The following GALNT9 variants were observed in gnomAD, a reference collection of about 807,000 sequenced individuals.
GALNT9 encodes GalNAc transferase 9.
In GALNT9, 47 loss-of-function variants were observed where a neutral mutation model predicts 63.1. The ratio of observed to expected loss-of-function variants is 0.75; its 90% CI spans 0.59 to 0.95. The LOEUF (loss-of-function observed/expected upper bound fraction) is 0.95, where lower values mean the gene tolerates loss of function less well. Among genes scored for constraint, GALNT9 ranks in the 40% least tolerant of loss-of-function variants. The pLI is 0.00. For missense variants in GALNT9, 829 were observed against 874.8 expected, an observed-to-expected ratio of 0.95 and a Z score of 0.66; for synonymous variants, 396 against 365.7, an observed-to-expected ratio of 1.08 and a Z score of -0.94.
intron 6 of GALNT9, among the ~76,000 whole-genome samples, chr12:132,212,072 A>G (rs1876976828): frequency 1.3e-5 from 2 of 152,232 alleles, no homozygotes; most frequent in South Asian, 4.1e-4. Flanking sequence ...CATTGAGAGA[A>G]AAGACGGGTG....
At chr12:132,306,267 C>T (rs182146900) in intron 1 of GALNT9, among the ~76,000 whole-genome samples, 220 of 152,366 alleles carry the variant, frequency 1.4e-3, no homozygotes, top group African/African-American at 5.1e-3. Context: ...ACATAACTGC[C>T]GGGGCGTGGC....
intron 6 of GALNT9, among the ~76,000 whole-genome samples, chr12:132,240,247 T>G (rs1555236777): frequency 6.6e-6 from 1 of 152,102 alleles, no homozygotes; most frequent in Non-Finnish European, 1.5e-5. Context: ...GGATCTGGAA[T>G]ATGACCAAGT....
chr12:132,294,775 C>T (rs782647393), intron 1 of GALNT9, among the ~76,000 whole-genome samples: 8 of 120,986 alleles, frequency 6.6e-5, no homozygotes, highest in African/African-American at 2.9e-4. Context: ...TTCCCTGGAG[C>T]GGGAGGGATC....
In GALNT9 at chr12:132,327,773, A is replaced by C. The variant is rs1422464690; in HGVS notation, c.238+1193T>G. Among the ~76,000 whole-genome samples, 1 of 152,096 alleles carries C rather than the reference A, an allele frequency of 6.6e-6. No individual in the cohort carries two copies. The highest frequency in any genetic ancestry group is 1.9e-4 in the East Asian group (1 of 5,174). On this transcript the variant is annotated intron_variant, in intron 1 of 10. Transcript: ENST00000328957. This position sits in a 1 kb window ranked among gnomAD's most constrained non-coding sequence, Gnocchi z 4.3. ...GAAGTCAGGGTGCTCTGAGTCAGACAAAGCTGGGACAACCCCTCCTCATGG... is the reference window on the plus strand; with the variant it reads ...GAAGTCAGGGTGCTCTGAGTCAGACCAAGCTGGGACAACCCCTCCTCATGG...
intron 6 of GALNT9, among the ~76,000 whole-genome samples, chr12:132,224,968 CCA>C (rs1310383077): frequency 2.0e-5 from 3 of 149,686 alleles, no homozygotes; most frequent in South Asian, 4.3e-4. Context: ...CATACACACC[CCA>C]CACACATACA....
At chr12:132,197,456 G>T (rs1875597580) in intron 10 of GALNT9, among the ~76,000 whole-genome samples, 1 of 148,834 alleles carries the variant, frequency 6.7e-6, no homozygotes, top group Non-Finnish European at 1.5e-5. Flanking sequence ...CATCTTTCCT[G>T]CAGGGCTAGC....
At chr12:132,253,954 A>C (rs1441003204) in intron 5 of GALNT9, among the ~76,000 whole-genome samples, 5 of 152,172 alleles carry the variant, frequency 3.3e-5, no homozygotes, top group African/African-American at 9.7e-5. Context: ...TTTATTTACA[A>C]ATACAGGACT....
At chr12:132,287,847 G>T (rs1025531045) in intron 1 of GALNT9, among the ~76,000 whole-genome samples, 1 of 152,060 alleles carries the variant, frequency 6.6e-6, no homozygotes, top group African/African-American at 2.4e-5. Context: ...GAGTGAGAGG[G>T]GTGTCTCCCC....
intron 1 of GALNT9, among the ~76,000 whole-genome samples, chr12:132,303,018 T>C (rs1284569520): frequency 6.6e-6 from 1 of 151,990 alleles, no homozygotes; most frequent in Non-Finnish European, 1.5e-5. Flanking sequence ...GATGCTCCGA[T>C]CAGCCCTGGG....
intron 1 of GALNT9, among the ~76,000 whole-genome samples, chr12:132,306,610 G>A (rs558383370): frequency 5.9e-5 from 9 of 152,304 alleles, no homozygotes; most frequent in South Asian, 2.1e-4. Flanking sequence ...CATTGCTGAC[G>A]GAGTGCCATG....
In GALNT9 at chr12:132,271,656, T is replaced by C. The variant is rs1343177474; in HGVS notation, c.420-9031A>G. Among the ~76,000 whole-genome samples the C allele has an allele frequency of 3.9e-5, 6 of 152,176 alleles. No individual in the cohort carries two copies. The South Asian group carries it at 1.2e-3, about 32-fold the overall frequency. On this transcript the variant is annotated intron_variant, in intron 2 of 10. Transcript: ENST00000328957. Reference sequence around the variant, plus strand: ...AAACGGCGTTGGGGCAGCTGTGGCCTCGTGCCTTGCCGTGATGCTCCGGCA... The same window carrying C: ...AAACGGCGTTGGGGCAGCTGTGGCCCCGTGCCTTGCCGTGATGCTCCGGCA...
Position 132,247,899 on chromosome 12 carries a change from G to A in GALNT9, c.1077+11C>T, listed in dbSNP as rs1283008965. 1 of 1,551,074 alleles carries A rather than the reference G, an allele frequency of 6.4e-7. No individual in the cohort carries two copies. Among genetic ancestry groups the A allele is most frequent in the African/African-American group, 1.4e-5 (1 of 73,078 alleles). On this transcript the variant is annotated intron_variant, in intron 6 of 10. Transcript: ENST00000328957. ...CCTCACCCTGTCCCTGGACACCGGG[G>A]CCGCACTCACCCTCATGCCCAGTTC...
intron 6 of GALNT9, among the ~76,000 whole-genome samples, chr12:132,243,237 A>G (rs1418900898): frequency 5.2e-4 from 53 of 101,902 alleles, no homozygotes; most frequent in Middle Eastern, 6.6e-3. Flanking sequence ...CACACGCCAC[A>G]CCCCCTTCCC....
intron 8 of GALNT9, among the ~76,000 whole-genome samples, chr12:132,200,087 C>T (rs148386175): frequency 0.023 from 3,446 of 152,122 alleles, 134 homozygotes; most frequent in African/African-American, 0.079. Context: ...GGGAGAGGGG[C>T]GGTGCCCCGA....
At chr12:132,264,540 G>T (rs973506152) in intron 2 of GALNT9, among the ~76,000 whole-genome samples, 2 of 152,234 alleles carry the variant, frequency 1.3e-5, no homozygotes, top group South Asian at 2.1e-4. Context: ...TCTCAGGAAG[G>T]CCTGTCCGCA....
intron 1 of GALNT9, among the ~76,000 whole-genome samples, chr12:132,309,320 G>A (rs1881730162): frequency 6.6e-6 from 1 of 152,150 alleles, no homozygotes; most frequent in Non-Finnish European, 1.5e-5. Context: ...CACCCCTCTA[G>A]CTGCCCGTGG....
intron 6 of GALNT9, among the ~76,000 whole-genome samples, chr12:132,211,143 C>T (rs368234387): frequency 4.6e-5 from 7 of 152,272 alleles, no homozygotes; most frequent in Non-Finnish European, 7.4e-5. Context: ...TTGCCTCATC[C>T]GCCACATTCA....
At chr12:132,227,027 C>T (rs1374669629) in intron 6 of GALNT9, among the ~76,000 whole-genome samples, 3 of 151,012 alleles carry the variant, frequency 2.0e-5, no homozygotes, top group Admixed American at 2.0e-4. Flanking sequence ...ACACCCCATA[C>T]ACACACACAC....
chr12:132,247,763 C>T (rs1217446141), intron 6 of GALNT9, 147 bp downstream of exon 6: 1 of 1,173,654 alleles, frequency 8.5e-7, no homozygotes, highest in Non-Finnish European at 1.2e-6. Flanking sequence ...TGGCCGCACT[C>T]GCCCTCACCC....
Sources: gnomAD v4.1 joint callset for allele counts (sites outside exome capture counted in the v4.1 genomes callset) on GRCh38, gnomAD v4.1.1 for gene constraint, Gnocchi (gnomAD v3.1) non-coding constraint, MANE v1.5 for transcripts, NCBI Gene and HGNC (gene_info 2026-07-23, HGNC 2026-07-21) for gene names.